Variants in PCDHA13 observed in about 807,000 individuals in gnomAD.
PCDHA13 encodes the protein protocadherin alpha 13.
In PCDHA13, 54 loss-of-function variants were observed where a neutral mutation model predicts 64.8. That is an observed-to-expected ratio of 0.83 (90% CI 0.67 to 1.04). The LOEUF (loss-of-function observed/expected upper bound fraction) is 1.04. PCDHA13 is among the 50% of genes least tolerant of loss of function. The pLI is 0.00. For missense variants in PCDHA13, 1,248 were observed against 1,254.3 expected (o/e 0.99, Z 0.08); for synonymous variants, 587 against 564.4 (o/e 1.04, Z -0.57).
chr5:140,966,651 C>A, intron 1 of PCDHA13: 1 of 1,159,980 alleles, frequency 8.6e-7, no homozygotes, highest in Non-Finnish European at 1.1e-6. Flanking sequence ...AGAGCGTGAG[C>A]GGTGGGGGAG....
At chr5:140,920,503 A>G (rs1411233164) in intron 1 of PCDHA13, among the ~76,000 whole-genome samples, 1 of 152,126 alleles carries the variant, frequency 6.6e-6, no homozygotes, top group Non-Finnish European at 1.5e-5. Flanking sequence ...AGTTCTACAT[A>G]CTGTTTTATG....
chr5:140,989,805 A>G (rs3776110), intron 3 of PCDHA13, among the ~76,000 whole-genome samples: 8,341 of 152,306 alleles, frequency 0.055, 292 homozygotes, highest in East Asian at 0.12. Context: ...GGAAAGGGCC[A>G]TAAGATTGGT....
rs139974024 is a variant in PCDHA13 at position 140,967,301 on chromosome 5, G to A, written c.2395-11648G>A. 5.0e-5 allele frequency: 81 copies of A among 1,612,148 alleles called. No homozygotes were observed. In the African/African-American group the frequency reaches 9.1e-4, roughly 18 times the overall value. ...GAGTGCGCAGGACCCCGACGTGGGC[G>A]CCAACTCAGTACAGACCTACGAGCT... On this transcript the variant is annotated intron_variant, in intron 1 of 3. Coordinates refer to ENST00000289272, the MANE Select transcript of PCDHA13 (RefSeq NM_018904.3).
intron 3 of PCDHA13, among the ~76,000 whole-genome samples, chr5:140,997,706 A>G (rs1387378770): frequency 3.3e-5 from 5 of 151,686 alleles, no homozygotes; most frequent in African/African-American, 1.2e-4. Flanking sequence ...GTATGTTAAC[A>G]AACACCTTTC....
At chr5:140,968,480 A>G in intron 1 of PCDHA13, 1 of 1,614,140 alleles carries the variant, frequency 6.2e-7, no homozygotes. Flanking sequence ...TGTGGTGGAC[A>G]TGAATGACCA....
At chr5:140,932,192 T>C (rs1359260162) in intron 1 of PCDHA13, among the ~76,000 whole-genome samples, 4 of 151,968 alleles carry the variant, frequency 2.6e-5, no homozygotes, top group African/African-American at 9.6e-5. Context: ...GTCCATTTTT[T>C]TCTGTTAATA....
At chr5:140,953,903 C>T (rs755692840) in intron 1 of PCDHA13, among the ~76,000 whole-genome samples, 1 of 152,120 alleles carries the variant, frequency 6.6e-6, no homozygotes, top group Non-Finnish European at 1.5e-5. Context: ...TTAAGCCCAG[C>T]ATCCATTAGG....
At chr5:140,917,015 G>A (rs538557329) in intron 1 of PCDHA13, among the ~76,000 whole-genome samples, 1 of 152,240 alleles carries the variant, frequency 6.6e-6, no homozygotes, top group East Asian at 1.9e-4. Flanking sequence ...CTCCCTTCAT[G>A]TGCAGCTGCT....
Position 140,927,111 on chromosome 5 carries a change from C to T in PCDHA13, c.2394+42449C>T. Reference sequence around the variant, plus strand: ...ACTTCGGGGTGGATCTACCCAGCGGCAATTTGGTGGTCAGAGAGCCGGCGG... The same window carrying T: ...ACTTCGGGGTGGATCTACCCAGCGGTAATTTGGTGGTCAGAGAGCCGGCGG... On this transcript the variant is annotated intron_variant, in intron 1 of 3. Transcript: ENST00000289272. The T allele has an allele frequency of 3.7e-6, 6 of 1,613,856 alleles. No individual in the cohort carries two copies. In the Middle Eastern group the frequency reaches 8.3e-4, roughly 222 times the overall value.
intron 1 of PCDHA13, among the ~76,000 whole-genome samples, chr5:140,937,638 CATGGTGG>C (rs1563162054): frequency 2.0e-5 from 3 of 150,048 alleles, no homozygotes; most frequent in South Asian, 4.2e-4. Flanking sequence ...AAAGGCAGGG[CATGGTGG>C]CTCACGCCTG....
Position 140,941,322 on chromosome 5 carries a change from T to C in PCDHA13, c.2395-37627T>C, listed in dbSNP as rs1340835610. Among the ~76,000 whole-genome samples the C allele has an allele frequency of 3.4e-5, 5 of 145,550 alleles. No individual in the cohort carries two copies. The East Asian group carries it at 6.0e-4, about 17-fold the overall frequency. The stretch of plus-strand genomic sequence containing the variant: ...TTTCTTTCTTTTTCTTCTTTCTCTT[T>C]TTTTTTTTTTTTCAGATGGAGTCTT... On this transcript the variant is annotated intron_variant, in intron 1 of 3. Coordinates refer to ENST00000289272, the MANE Select transcript of PCDHA13 (RefSeq NM_018904.3).
chr5:140,979,102 C>T (rs1263848262), intron 2 of PCDHA13, 95 bp downstream of exon 2: 1 of 1,541,684 alleles, frequency 6.5e-7, no homozygotes, highest in Non-Finnish European at 8.7e-7. Flanking sequence ...GCTGTCAAAA[C>T]TAAAAAGCTT....
intron 1 of PCDHA13, among the ~76,000 whole-genome samples, chr5:140,924,889 T>C (rs1554202242): frequency 8.9e-6 from 1 of 112,122 alleles, no homozygotes; most frequent in Non-Finnish European, 1.8e-5. Flanking sequence ...AGCAAGAACC[T>C]GTCTCAAAAA....
intron 1 of PCDHA13, among the ~76,000 whole-genome samples, chr5:140,903,933 A>G (rs1348730153): frequency 1.3e-5 from 2 of 152,220 alleles, no homozygotes; most frequent in East Asian, 1.9e-4. Context: ...ATTGGATAAT[A>G]CCTCTTAAAT....
chr5:140,988,495 G>GT (rs2097300130), intron 3 of PCDHA13, among the ~76,000 whole-genome samples: 1 of 152,158 alleles, frequency 6.6e-6, no homozygotes, highest in Non-Finnish European at 1.5e-5. Context: ...CTACCTAGGA[G>GT]AAGCCATGAA....
chr5:140,892,246 G>T lies in PCDHA13; in HGVS notation c.2394+7584G>T, dbSNP rs895446433. Among the ~76,000 whole-genome samples the T allele has an allele frequency of 5.9e-5, 9 of 152,166 alleles. No individual in the cohort carries two copies. In the East Asian group the frequency reaches 1.7e-3, roughly 29 times the overall value. Reference sequence around the variant, plus strand: ...GGTGTTTTGTCTCCACATAAACCTGGTTATCTTTGATTTTGTGCTGAAAGT... The same window carrying T: ...GGTGTTTTGTCTCCACATAAACCTGTTTATCTTTGATTTTGTGCTGAAAGT... On this transcript the variant is annotated intron_variant, in intron 1 of 3. Coordinates refer to ENST00000289272, the MANE Select transcript of PCDHA13 (RefSeq NM_018904.3).
intron 3 of PCDHA13, among the ~76,000 whole-genome samples, chr5:140,983,123 G>A (rs781811003): frequency 2.0e-5 from 3 of 152,198 alleles, no homozygotes; most frequent in Non-Finnish European, 4.4e-5. Flanking sequence ...ACAACATTCT[G>A]CAGACTGACT....
Position 140,883,822 on chromosome 5 carries a change from C to T in PCDHA13, c.1554C>T (p.Tyr518=). ...TGCACGCGGAGAGCGGCAAGGTGTA[C>T]GCGCTGCAGCCGTTGGACCACGAGG... ...VSVHAESGKV[Y]ALQPLDHEEL... Residue 518 remains tyrosine (Y), a synonymous_variant, in exon 1 of 4, where the codon TAC becomes TAT. Coordinates refer to ENST00000289272, the MANE Select transcript of PCDHA13 (RefSeq NM_018904.3). 2 of 1,612,484 alleles carry T rather than the reference C, an allele frequency of 1.2e-6. No homozygotes were observed. The highest frequency in any genetic ancestry group is 1.7e-6 in the Non-Finnish European group (2 of 1,179,768).
chr5:140,985,389 C>T (rs1376347712), intron 3 of PCDHA13, among the ~76,000 whole-genome samples: 1 of 152,266 alleles, frequency 6.6e-6, no homozygotes, highest in African/African-American at 2.4e-5. Context: ...AATCCAGTCA[C>T]CCCAACTGTT....
Sources: gnomAD v4.1 joint callset for allele counts (sites outside exome capture counted in the v4.1 genomes callset) on GRCh38, gnomAD v4.1.1 for gene constraint, MANE v1.5 for transcripts, NCBI Gene and HGNC (gene_info 2026-07-23, HGNC 2026-07-21) for gene names.